CAMSAP2: variants seen among roughly 807,000 people sequenced by gnomAD.
CAMSAP2 encodes the protein calmodulin regulated spectrin associated protein family member 2, also known as calmodulin-regulated spectrin-associated protein 2.
A neutral mutation model predicts 146.1 loss-of-function variants in CAMSAP2; 26 were observed. That is an observed-to-expected ratio of 0.18 (90% confidence interval 0.13 to 0.25). CAMSAP2 has a LOEUF of 0.25. Among genes scored for constraint, CAMSAP2 ranks in the 10% least tolerant of loss-of-function variants. CAMSAP2 has a pLI of 1.00. For synonymous variants in CAMSAP2, 499 were observed against 596.6 expected (o/e 0.84, Z 2.38); for missense variants, 1,381 against 1,759.3 (o/e 0.78, Z 3.85).
chr1:200,803,761 A>G (rs1016500142), intron 2 of CAMSAP2, among the ~76,000 whole-genome samples: 5 of 152,168 alleles, frequency 3.3e-5, no homozygotes, highest in African/African-American at 1.2e-4. Flanking sequence ...TTTGTTCTGA[A>G]AATGTATCCC....
intron 2 of CAMSAP2, among the ~76,000 whole-genome samples, chr1:200,787,203 A>G (rs1665618639): frequency 6.6e-6 from 1 of 152,092 alleles, no homozygotes; most frequent in Admixed American, 6.6e-5. Context: ...AAGAAATAAC[A>G]TTTTCTAAGT....
intron 8 of CAMSAP2, among the ~76,000 whole-genome samples, chr1:200,846,616 G>A (rs1667466336): frequency 6.6e-6 from 1 of 152,158 alleles, no homozygotes; most frequent in South Asian, 2.1e-4. Context: ...CTCCAACACT[G>A]TGGAACTTTT....
At chr1:200,854,549 G>A (rs1338505458) in intron 13 of CAMSAP2, among the ~76,000 whole-genome samples, 2 of 151,844 alleles carry the variant, frequency 1.3e-5, no homozygotes, top group African/African-American at 2.4e-5. Flanking sequence ...ACAGTATCAC[G>A]TCTCATATTA....
intron 2 of CAMSAP2, among the ~76,000 whole-genome samples, chr1:200,767,134 C>T (rs1664975681): frequency 6.6e-6 from 1 of 152,016 alleles, no homozygotes; most frequent in Admixed American, 6.6e-5. Context: ...AGTTCGAGAC[C>T]AGCCTGGCCA....
In CAMSAP2 at chr1:200,853,527, T is replaced by TA. The variant is rs1224962674; in HGVS notation, c.3823+38dup. On this transcript the variant is annotated intron_variant, in intron 13 of 16. Transcript: ENST00000358823. This position sits in a 1 kb window ranked among gnomAD's most constrained non-coding sequence, Gnocchi z 5.1. ...TAGCTTATTATGAAGAGTCTGTTCA[T>TA]AAAAAACACCAGCTTGATTGGTTTG... is the stretch of plus-strand genomic sequence containing the variant. 1.3e-6 allele frequency: 2 copies of TA among 1,496,772 alleles called. No homozygotes were observed. Among genetic ancestry groups the TA allele is most frequent in the South Asian group, 2.3e-5 (2 of 86,576 alleles). 92.7% of individuals were successfully genotyped at this position (1,496,772 alleles called of 1,614,324 possible). A position where few individuals can be genotyped will look rare whatever the true frequency, so the allele number is the denominator to read the frequency against.
intron 2 of CAMSAP2, among the ~76,000 whole-genome samples, chr1:200,774,513 T>C (rs546809643): frequency 6.6e-6 from 1 of 152,326 alleles, no homozygotes; most frequent in South Asian, 2.1e-4. Context: ...ACTGTTAGTT[T>C]GTGGTTAGCA....
At chr1:200,821,370 T>G (rs1666759419) in intron 4 of CAMSAP2, among the ~76,000 whole-genome samples, 1 of 151,860 alleles carries the variant, frequency 6.6e-6, no homozygotes, top group Non-Finnish European at 1.5e-5. Context: ...TTTTGTAGAG[T>G]CAGGGTCTCA....
intron 2 of CAMSAP2, among the ~76,000 whole-genome samples, chr1:200,763,969 G>A (rs1353361446): frequency 6.6e-6 from 1 of 152,086 alleles, no homozygotes; most frequent in South Asian, 2.1e-4. Flanking sequence ...AGGTCGGGAG[G>A]CTGAGGCAGG....
Position 200,849,021 on chromosome 1 carries a change from T to C in CAMSAP2, c.2252T>C (p.Val751Ala), listed in dbSNP as rs763157877. 7 of 1,613,918 alleles carry C rather than the reference T, an allele frequency of 4.3e-6. No individual in the cohort carries two copies. Among genetic ancestry groups the C allele is most frequent in the Non-Finnish European group, 5.1e-6 (6 of 1,180,006 alleles). ...DTTQLLASEM[V>A]HLRMKLEEKR... ...ACCCAGCTGTTGGCCTCTGAAATGG[T>C]GCATCTTAGGATGAAACTAGAAGAA... Residue 751 changes from valine to alanine, a missense_variant, in exon 11 of 17, where the codon GTG (valine) becomes GCG (alanine). Physicochemically the swap from Val to Ala is moderately conservative, Grantham distance 64 (BLOSUM62 0). Transcript: ENST00000358823. The surrounding 1 kb of genome is among the most constrained non-coding windows in gnomAD (Gnocchi z 6.3).
At chr1:200,750,161 TA>T (rs1177808801) in intron 1 of CAMSAP2, among the ~76,000 whole-genome samples, 1 of 151,970 alleles carries the variant, frequency 6.6e-6, no homozygotes, top group African/African-American at 2.4e-5. Context: ...TTGGAGTAAA[TA>T]TAGTAATTAA....
chr1:200,848,482 T>A lies in CAMSAP2; in HGVS notation c.1713T>A (p.His571Gln). The part of the protein sequence containing the change: ...PDQIANGFFL[H>Q]SQEMSILNSN... ...AAATTGCTAATGGCTTCTTTCTTCA[T>A]AGTCAAGAAATGAGTATCTTAAATT... The change falls in exon 11 of 17, where the codon CAT becomes CAA. Residue 571 changes from histidine (H) to glutamine (Q), a missense_variant. His to Gln is a conservative substitution (Grantham distance 24). Transcript: ENST00000358823. The A allele has an allele frequency of 6.2e-7, 1 of 1,613,324 alleles. No homozygotes were observed. The highest frequency in any genetic ancestry group is 8.5e-7 in the Non-Finnish European group (1 of 1,179,566).
intron 2 of CAMSAP2, among the ~76,000 whole-genome samples, chr1:200,795,416 T>C (rs374811855): frequency 1.3e-5 from 2 of 152,196 alleles, no homozygotes; most frequent in East Asian, 3.8e-4. Flanking sequence ...ATCTTTTTGA[T>C]GATCATCCAT....
chr1:200,799,574 TAGTCTGGCTAGC>T (rs923434132), intron 2 of CAMSAP2, among the ~76,000 whole-genome samples: 24 of 152,342 alleles, frequency 1.6e-4, no homozygotes, highest in Admixed American at 1.5e-3. Context: ...CCTTCTTTAT[TAGTCTGGCTAGC>T]AGTCTATCTA....
Position 200,739,974 on chromosome 1 carries a change from G to T in CAMSAP2, c.139+8G>T. 1.2e-6 allele frequency: 2 copies of T among 1,613,838 alleles called. No homozygotes were observed. Among genetic ancestry groups the T allele is most frequent in the Non-Finnish European group, 1.7e-6 (2 of 1,179,832 alleles). ...CCAAAGCCTTTGGGACAGGTTAGTGGTGTCACCCTTTCCCTCCCCTCTTCC... is the reference window on the plus strand; with the variant it reads ...CCAAAGCCTTTGGGACAGGTTAGTGTTGTCACCCTTTCCCTCCCCTCTTCC... On this transcript the variant is annotated splice_region_variant and intron_variant, in intron 1 of 16. Coordinates refer to ENST00000358823, the MANE Select transcript of CAMSAP2 (RefSeq NM_203459.4). This position sits in a 1 kb window ranked among gnomAD's most constrained non-coding sequence, Gnocchi z 4.8.
rs796205472 is a variant in CAMSAP2, at chr1:200,816,968, ATG to A, written c.645+1328_645+1329del. 6.5e-4 allele frequency among the ~76,000 whole-genome samples: 39 copies of A among 59,988 alleles called. 18 individuals are homozygous for A. The highest frequency in any genetic ancestry group is 2.9e-3 in the African/African-American group (39 of 13,438). The allele number at this position is 59,988 out of a possible 152,430, so 39.4% of individuals were successfully genotyped here. Reference sequence around the variant, plus strand: ...TGTGTGTACACACACACGCGTGTGTATGTGTATATATCTACACATATATACAT... The same window carrying A: ...TGTGTGTACACACACACGCGTGTGTATGTATATATCTACACATATATACAT... On this transcript the variant is annotated intron_variant, in intron 4 of 16. Transcript: ENST00000358823.
chr1:200,798,860 G>T (rs559178224), intron 2 of CAMSAP2, among the ~76,000 whole-genome samples: 44 of 150,148 alleles, frequency 2.9e-4, no homozygotes, highest in Admixed American at 2.7e-3. Context: ...CTAATTTATT[G>T]AGAGTTTTTA....
chr1:200,765,872 G>A (rs1479323261), intron 2 of CAMSAP2, among the ~76,000 whole-genome samples: 1 of 152,114 alleles, frequency 6.6e-6, no homozygotes, highest in Non-Finnish European at 1.5e-5. Flanking sequence ...TGCATGGAGG[G>A]ATAAATGTCA....
intron 2 of CAMSAP2, among the ~76,000 whole-genome samples, chr1:200,785,440 G>A (rs1665559090): frequency 2.0e-5 from 3 of 149,764 alleles, no homozygotes; most frequent in African/African-American, 7.4e-5. Flanking sequence ...CCAGGCTGGA[G>A]TGCAGTGGCC....
chr1:200,781,795 C>T (rs920767628), intron 2 of CAMSAP2, among the ~76,000 whole-genome samples: 4 of 152,020 alleles, frequency 2.6e-5, no homozygotes, highest in Middle Eastern at 3.2e-3. Context: ...CCTCCTGCCT[C>T]GGCCTCCCAA....
Sources: allele counts gnomAD v4.1 joint callset (sites outside exome capture counted in the v4.1 genomes callset), GRCh38; gene constraint gnomAD v4.1.1; non-coding constraint Gnocchi (gnomAD v3.1); transcripts MANE v1.5; gene names NCBI Gene and HGNC (gene_info 2026-07-23, HGNC 2026-07-21).